The following ADAM22 variants were observed in gnomAD, a reference collection of about 807,000 sequenced individuals.
The protein encoded by ADAM22 is disintegrin and metalloproteinase domain-containing protein 22.
In ADAM22, 65 loss-of-function variants were observed where a neutral mutation model predicts 144.6. That is an observed-to-expected ratio of 0.45 (90% CI 0.37 to 0.55). The LOEUF (loss-of-function observed/expected upper bound fraction) is 0.55. ADAM22 is among the 20% of genes least tolerant of loss of function. ADAM22 has a pLI of 0.00. For missense variants in ADAM22, 974 were observed against 1,184.9 expected (o/e 0.82, Z 2.61); for synonymous variants, 391 against 412.6 (o/e 0.95, Z 0.63).
At chr7:87,971,326 G>A (rs1850397757) in intron 2 of ADAM22, among the ~76,000 whole-genome samples, 2 of 152,090 alleles carry the variant, frequency 1.3e-5, no homozygotes, top group Admixed American at 1.3e-4. Context: ...CCTCCAAGCT[G>A]TAGGATGAAA....
intron 3 of ADAM22, among the ~76,000 whole-genome samples, chr7:88,044,179 T>G (rs1803905337): frequency 6.6e-6 from 1 of 152,232 alleles, no homozygotes; most frequent in South Asian, 2.1e-4. Context: ...ACATTGCAGT[T>G]CCACTCTTAG....
intron 22 of ADAM22, among the ~76,000 whole-genome samples, chr7:88,162,377 A>G (rs1586362767): frequency 6.6e-6 from 1 of 151,988 alleles, no homozygotes; most frequent in Non-Finnish European, 1.5e-5. Flanking sequence ...AAAAATAACT[A>G]TTGAGTACTA....
intron 29 of ADAM22, among the ~76,000 whole-genome samples, chr7:88,184,600 A>G (rs955937441): frequency 1.3e-5 from 2 of 152,076 alleles, no homozygotes; most frequent in Admixed American, 6.6e-5. Flanking sequence ...TATCCCATCT[A>G]ACGCCATTTT....
At chr7:88,100,019 G>A (rs982622771) in intron 4 of ADAM22, among the ~76,000 whole-genome samples, 4 of 152,084 alleles carry the variant, frequency 2.6e-5, no homozygotes, top group African/African-American at 9.7e-5. Context: ...AAGTCTAAAT[G>A]TTCAGAGTCT....
intron 7 of ADAM22, among the ~76,000 whole-genome samples, chr7:88,123,866 T>A (rs1033956751): frequency 6.6e-6 from 1 of 152,010 alleles, no homozygotes; most frequent in African/African-American, 2.4e-5. Context: ...CTTTGTCCCA[T>A]GGATTATTTA....
intron 30 of ADAM22, among the ~76,000 whole-genome samples, chr7:88,187,178 G>A (rs1252454643): frequency 2.6e-5 from 4 of 152,178 alleles, no homozygotes; most frequent in Admixed American, 2.6e-4. Context: ...TTTACTTGGA[G>A]TAGAAACAAT....
rs1220445486 is a variant in ADAM22 at position 88,201,870 on chromosome 7, T to A, written c.*5379T>A. On this transcript the variant is annotated 3_prime_UTR_variant, in exon 32 of 32. Coordinates refer to ENST00000413139, the MANE Select transcript of ADAM22 (RefSeq NM_001324418.2). Reference sequence around the variant, plus strand: ...AGGTATTTTCCTTTCTTGTAAAAAATGTTATATATATATAATATTCTGATC... The same window carrying A: ...AGGTATTTTCCTTTCTTGTAAAAAAAGTTATATATATATAATATTCTGATC... 3 of 152,208 alleles carry A rather than the reference T, an allele frequency of 2.0e-5. No homozygotes were observed. The highest frequency in any genetic ancestry group is 4.4e-5 in the Non-Finnish European group (3 of 68,030). The allele number at this position is 152,208 out of a possible 1,614,324, so 9.4% of individuals were successfully genotyped here. A position where few individuals can be genotyped will look rare whatever the true frequency, so the allele number is the denominator to read the frequency against.
chr7:88,073,139 C>G (rs1439137232), intron 3 of ADAM22, among the ~76,000 whole-genome samples: 1 of 152,112 alleles, frequency 6.6e-6, no homozygotes, highest in Non-Finnish European at 1.5e-5. Flanking sequence ...CTTGATTGTT[C>G]AAAGACAAAT....
In ADAM22 at chr7:88,145,527, C is replaced by T. The variant is rs1450601032; in HGVS notation, c.1485+20C>T. 1 of 1,581,702 alleles carries T rather than the reference C, an allele frequency of 6.3e-7. No individual in the cohort carries two copies. The highest frequency in any genetic ancestry group is 2.2e-5 in the East Asian group (1 of 44,664). ...TGCAAGGTAAATAAACATTAATGAC[C>T]ATTTGACAGAAAAAAAGGACATACT... On this transcript the variant is annotated intron_variant, in intron 17 of 31. Coordinates refer to ENST00000413139, the MANE Select transcript of ADAM22 (RefSeq NM_001324418.2).
At chr7:88,008,408 C>T (rs1472785466) in intron 3 of ADAM22, among the ~76,000 whole-genome samples, 1 of 150,796 alleles carries the variant, frequency 6.6e-6, no homozygotes, top group African/African-American at 2.4e-5. Flanking sequence ...GGGTATATAC[C>T]CAAAGGACTA....
chr7:87,941,929 T>C (rs1842554652), intron 2 of ADAM22, among the ~76,000 whole-genome samples: 1 of 152,216 alleles, frequency 6.6e-6, no homozygotes, highest in Non-Finnish European at 1.5e-5. Context: ...AGTTCTCCTG[T>C]TGTTTTTAAC....
chr7:88,173,969 T>C (rs1387256644), intron 26 of ADAM22, among the ~76,000 whole-genome samples: 4 of 152,018 alleles, frequency 2.6e-5, no homozygotes, highest in Admixed American at 2.6e-4. Flanking sequence ...CACATACTGG[T>C]TGAGGTGGTG....
chr7:88,047,950 A>G (rs1805117351), intron 3 of ADAM22, among the ~76,000 whole-genome samples: 1 of 152,120 alleles, frequency 6.6e-6, no homozygotes, highest in African/African-American at 2.4e-5. Context: ...ATGAAAATAT[A>G]AAATTAGCAA....
intron 4 of ADAM22, among the ~76,000 whole-genome samples, chr7:88,094,041 A>G (rs965108724): frequency 2.0e-5 from 3 of 152,164 alleles, no homozygotes; most frequent in Non-Finnish European, 4.4e-5. Context: ...CTCAACCCTC[A>G]TTTATTCAAT....
intron 29 of ADAM22, among the ~76,000 whole-genome samples, chr7:88,183,012 T>A (rs1294394657): frequency 5.3e-5 from 8 of 152,184 alleles, no homozygotes; most frequent in Non-Finnish European, 1.0e-4. Flanking sequence ...ATACCCTGCC[T>A]TTTTCAGTCC....
intron 3 of ADAM22, among the ~76,000 whole-genome samples, chr7:88,037,923 A>T (rs1050380228): frequency 6.6e-6 from 1 of 152,236 alleles, no homozygotes; most frequent in Non-Finnish European, 1.5e-5. Context: ...CCTGTTGTAC[A>T]GCTTGATAAA....
chr7:88,063,858 T>C (rs1026637603), intron 3 of ADAM22, among the ~76,000 whole-genome samples: 1 of 152,138 alleles, frequency 6.6e-6, no homozygotes, highest in African/African-American at 2.4e-5. Flanking sequence ...AAACCATCAA[T>C]CAAAGATGAG....
chr7:88,038,664 A>G (rs1287456889), intron 3 of ADAM22, among the ~76,000 whole-genome samples: 3 of 151,964 alleles, frequency 2.0e-5, no homozygotes, highest in Non-Finnish European at 2.9e-5. Context: ...CGTGTTAGCC[A>G]GGATGGTCTC....
At chr7:88,125,742 A>C in intron 8 of ADAM22, 83 bp downstream of exon 8, 1 of 1,141,384 alleles carries the variant, frequency 8.8e-7, no homozygotes, top group Non-Finnish European at 1.2e-6. Context: ...AGTCTGTGTG[A>C]GAGGGTGAGT....
Sources: allele counts gnomAD v4.1 joint callset (sites outside exome capture counted in the v4.1 genomes callset), GRCh38; gene constraint gnomAD v4.1.1; transcripts MANE v1.5; gene names NCBI Gene and HGNC (gene_info 2026-07-23, HGNC 2026-07-21).